DAB2IP: variants seen among roughly 807,000 people sequenced by gnomAD.
DAB2IP encodes DAB2 interacting protein.
A neutral mutation model predicts 107.2 loss-of-function variants in DAB2IP; 28 were observed. The ratio of observed to expected loss-of-function variants is 0.26; its 90% CI spans 0.19 to 0.36. DAB2IP has a LOEUF of 0.36. DAB2IP is among the 10% of genes least tolerant of loss of function. DAB2IP has a pLI of 1.00. For synonymous variants in DAB2IP, 755 were observed against 706.4 expected, an observed-to-expected ratio of 1.07 and a Z score of -1.09; for missense variants, 1,400 against 1,644.7, an observed-to-expected ratio of 0.85 and a Z score of 2.57.
At chr9:121,582,226 G>C (rs540873967) in intron 1 of DAB2IP, among the ~76,000 whole-genome samples, 2 of 152,326 alleles carry the variant, frequency 1.3e-5, no homozygotes, top group African/African-American at 2.4e-5. Flanking sequence ...CATCCCGGCT[G>C]GGGGAGAGCA....
At chr9:121,592,761 G>T (rs528333124) in intron 1 of DAB2IP, among the ~76,000 whole-genome samples, 30 of 152,284 alleles carry the variant, frequency 2.0e-4, no homozygotes, top group Admixed American at 1.4e-3. Flanking sequence ...CGATGCCTTT[G>T]GCAAATCACT....
chr9:121,757,247 T>A lies in DAB2IP; in HGVS notation c.516+81T>A, dbSNP rs1415526874. The A allele has an allele frequency of 2.0e-6, 3 of 1,531,064 alleles. No homozygotes were observed. In the African/African-American group the frequency reaches 4.3e-5, roughly 22 times the overall value. 94.8% of individuals were successfully genotyped at this position (1,531,064 alleles called of 1,614,324 possible). On this transcript the variant is annotated intron_variant, in intron 4 of 15. Transcript: ENST00000408936. ...GTCTCCTCCAGACATCCTCCTGGAGTCCAGTCTGCTGTGGCCTCAGCAGGG... is the reference window on the plus strand; with the variant it reads ...GTCTCCTCCAGACATCCTCCTGGAGACCAGTCTGCTGTGGCCTCAGCAGGG...
In DAB2IP at chr9:121,699,429, C is replaced by A. The variant is rs1829641023; in HGVS notation, c.333C>A (p.Ser111Arg). ...GCCACATCCTGCCGGGGTTCCGGAG[C>A]GCCGCCGCCGCCGCCGCGGACAATG... The change falls in exon 3 of 16, where the codon AGC (serine) becomes AGA (arginine). Residue 111 changes from serine (S) to arginine (R), a missense_variant. Physicochemically the swap from Ser to Arg is moderately radical, Grantham distance 110 (BLOSUM62 -1). This residue lies in a region of DAB2IP where 283 missense variants were observed against 237.0 expected (regional missense o/e 1.19). Transcript: ENST00000408936. This position sits in a 1 kb window ranked among gnomAD's most constrained non-coding sequence, Gnocchi z 6.2. 7.2e-7 allele frequency: 1 copy of A among 1,397,418 alleles called. No homozygotes were observed. Among genetic ancestry groups the A allele is most frequent in the African/African-American group, 1.5e-5 (1 of 66,422 alleles). The allele number at this position is 1,397,418 out of a possible 1,614,324, so 86.6% of individuals were successfully genotyped here.
chr9:121,762,935 C>T (rs1833998098), intron 6 of DAB2IP, among the ~76,000 whole-genome samples: 1 of 152,202 alleles, frequency 6.6e-6, no homozygotes, highest in South Asian at 2.1e-4. Context: ...CTCCACCTTC[C>T]CTCTCCAGCC....
rs1835212387 is a variant in DAB2IP, at chr9:121,776,531, T to A, written c.3314+140T>A. The A allele has an allele frequency of 9.5e-7, 1 of 1,052,010 alleles. No individual in the cohort carries two copies. Among genetic ancestry groups the A allele is most frequent in the Non-Finnish European group, 1.3e-6 (1 of 749,346 alleles). 65.2% of individuals were successfully genotyped at this position (1,052,010 alleles called of 1,614,324 possible). A position where few individuals can be genotyped will look rare whatever the true frequency, so the allele number is the denominator to read the frequency against. On this transcript the variant is annotated intron_variant, in intron 14 of 15. Coordinates refer to ENST00000408936, the Ensembl canonical transcript of DAB2IP. This position sits in a 1 kb window ranked among gnomAD's most constrained non-coding sequence, Gnocchi z 5.4. ...AGGAGGGAAGAGAGTGTCTGGGCAGTGGGAGCAGCGTGAGCACAGGCCTGG... is the reference window on the plus strand; with the variant it reads ...AGGAGGGAAGAGAGTGTCTGGGCAGAGGGAGCAGCGTGAGCACAGGCCTGG...
chr9:121,731,520 G>A (rs1831539048), intron 3 of DAB2IP, among the ~76,000 whole-genome samples: 1 of 152,364 alleles, frequency 6.6e-6, no homozygotes, highest in Admixed American at 6.5e-5. Flanking sequence ...TCTTGTTATA[G>A]AATTGCTGTC....
chr9:121,638,084 G>A (rs376057541), intron 1 of DAB2IP, among the ~76,000 whole-genome samples: 2 of 152,162 alleles, frequency 1.3e-5, no homozygotes, highest in East Asian at 3.9e-4. Context: ...CAGTGTGCCA[G>A]GAGAGACAGA....
rs983541025 is a variant in DAB2IP at position 121,783,058 on chromosome 9, T to C, written c.*560T>C. On this transcript the variant is annotated 3_prime_UTR_variant, in exon 16 of 16. Coordinates refer to ENST00000408936, the Ensembl canonical transcript of DAB2IP. ...GGTCAGTGTCCCCTGCCTGTCTCCA[T>C]CCGAAGCACCTGCCACTGCATGCAG... The C allele has an allele frequency of 3.9e-6, 4 of 1,029,442 alleles. No individual in the cohort carries two copies. In the African/African-American group the frequency reaches 5.1e-5, roughly 13 times the overall value. The allele number at this position is 1,029,442 out of a possible 1,614,324, so 63.8% of individuals were successfully genotyped here. A position where few individuals can be genotyped will look rare whatever the true frequency, so the allele number is the denominator to read the frequency against.
At chr9:121,740,115 C>T (rs533750199) in intron 3 of DAB2IP, among the ~76,000 whole-genome samples, 32 of 152,194 alleles carry the variant, frequency 2.1e-4, no homozygotes, top group Non-Finnish European at 4.3e-4. Flanking sequence ...CAAAGAAGTG[C>T]GTGAGGACCC....
chr9:121,639,579 C>T (rs1832208076), intron 1 of DAB2IP, among the ~76,000 whole-genome samples: 1 of 152,058 alleles, frequency 6.6e-6, no homozygotes, highest in African/African-American at 2.4e-5. Context: ...ACATGGGGAG[C>T]CTGCGGAGGG....
upstream of DAB2IP, among the ~76,000 whole-genome samples, chr9:121,648,386 C>T (rs1233212303): frequency 3.9e-5 from 6 of 152,098 alleles, no homozygotes; most frequent in Admixed American, 2.6e-4. Flanking sequence ...ACCAACAGGG[C>T]GAAGACTGGT....
chr9:121,782,916 C>A lies in DAB2IP; in HGVS notation c.*418C>A. On this transcript the variant is annotated 3_prime_UTR_variant, in exon 16 of 16. Transcript: ENST00000408936. This position sits in a 1 kb window ranked among gnomAD's most constrained non-coding sequence, Gnocchi z 6.1. ...AAGGGCTAGGGGCCTACACCTGTGG[C>A]TTCCCCTCGCCTCCTTGGGGGGCCC... 9.7e-7 allele frequency: 1 copy of A among 1,026,482 alleles called. No individual in the cohort carries two copies. Among genetic ancestry groups the A allele is most frequent in the Non-Finnish European group, 1.2e-6 (1 of 855,374 alleles). 63.6% of individuals were successfully genotyped at this position (1,026,482 alleles called of 1,614,324 possible).
chr9:121,636,887 T>C (rs1325197381), intron 1 of DAB2IP, among the ~76,000 whole-genome samples: 1 of 150,726 alleles, frequency 6.6e-6, no homozygotes, highest in East Asian at 1.9e-4. Context: ...AGTATTCAGA[T>C]TCTACAGAGT....
chr9:121,567,268 G>C, intron 1 of DAB2IP: 4 of 1,613,674 alleles, frequency 2.5e-6, no homozygotes, highest in East Asian at 2.2e-5. Flanking sequence ...GGGGGTTTCA[G>C]CCTCTCTGCT....
chr9:121,583,558 C>T (rs1830250012), intron 1 of DAB2IP, among the ~76,000 whole-genome samples: 1 of 151,790 alleles, frequency 6.6e-6, no homozygotes, highest in Non-Finnish European at 1.5e-5. Flanking sequence ...CCCTGGACAG[C>T]TCAGTGCCCC....
intron 14 of DAB2IP, among the ~76,000 whole-genome samples, chr9:121,777,440 G>C (rs1474121174): frequency 6.6e-6 from 1 of 152,236 alleles, no homozygotes. Flanking sequence ...TTGTTCTCCA[G>C]CTCTGCTCTT....
intron 1 of DAB2IP, among the ~76,000 whole-genome samples, chr9:121,610,866 C>G (rs1460358423): frequency 2.0e-5 from 3 of 152,126 alleles, no homozygotes; most frequent in African/African-American, 7.2e-5. Context: ...AGGTCACTGG[C>G]TTTGTGAATG....
rs1282075615 is a variant in DAB2IP at position 121,774,478 on chromosome 9, C to G, written c.3120+66C>G. The G allele has an allele frequency of 5.4e-6, 8 of 1,492,556 alleles. No individual in the cohort carries two copies. The East Asian group carries it at 7.2e-5, about 14-fold the overall frequency. 92.5% of individuals were successfully genotyped at this position (1,492,556 alleles called of 1,614,324 possible). ...CCTCCCGGCAGCAGCTGGTAGGAGT[C>G]TCTCCCCCAGGTCCCCCAGCAACGG... is the stretch of plus-strand genomic sequence containing the variant. On this transcript the variant is annotated intron_variant, in intron 13 of 15. Coordinates refer to ENST00000408936, the Ensembl canonical transcript of DAB2IP.
intron 2 of DAB2IP, among the ~76,000 whole-genome samples, chr9:121,695,528 A>G (rs1345881844): frequency 6.6e-6 from 1 of 152,218 alleles, no homozygotes; most frequent in African/African-American, 2.4e-5. Flanking sequence ...GCTTGTCTGA[A>G]TGAAGATTTG....
Sources: allele counts gnomAD v4.1 joint callset (sites outside exome capture counted in the v4.1 genomes callset), GRCh38; gene constraint gnomAD v4.1.1; regional missense constraint gnomAD v4.1.1; non-coding constraint Gnocchi (gnomAD v3.1); transcripts MANE v1.5; gene names NCBI Gene and HGNC (gene_info 2026-07-23, HGNC 2026-07-21).